Variants in GRIK5 observed in about 807,000 individuals in gnomAD.
GRIK5 encodes glutamate ionotropic receptor kainate type subunit 5, also known as glutamate receptor ionotropic, kainate 5.
In GRIK5, 43 loss-of-function variants were observed where a neutral mutation model predicts 97.4. The observed-to-expected ratio is 0.44, with a 90% CI of 0.35 to 0.57. The LOEUF (loss-of-function observed/expected upper bound fraction) is 0.57, where lower values mean the gene tolerates loss of function less well. GRIK5 is among the 20% of genes least tolerant of loss of function. The pLI, the probability that GRIK5 is intolerant of heterozygous loss-of-function variation, is 0.01. For missense variants in GRIK5, 1,015 were observed against 1,382.0 expected (o/e 0.73, Z 4.21); for synonymous variants, 580 against 583.5 (o/e 0.99, Z 0.09).
rs111252248 is a variant in GRIK5, at chr19:42,005,165, T to C, written c.2263+558A>G. ...TCCTGGAAAAACATGTCCTGGGCCA[T>C]GCGAGGTGGCTCATACCTGTAATCC... On this transcript the variant is annotated intron_variant, in intron 17 of 19. Coordinates refer to ENST00000593562, the MANE Select transcript of GRIK5 (RefSeq NM_002088.5). 2.6e-3 allele frequency among the ~76,000 whole-genome samples: 359 copies of C among 140,432 alleles called. 5 individuals are homozygous for C. Among genetic ancestry groups the C allele is most frequent in the African/African-American group, 8.9e-3 (335 of 37,580 alleles). The allele number at this position is 140,432 out of a possible 152,430, so 92.1% of individuals were successfully genotyped here.
In GRIK5 at chr19:42,003,161, G is replaced by A. The variant is rs191151336; in HGVS notation, c.2514+171C>T. Among the ~76,000 whole-genome samples, 23 of 151,714 alleles carry A rather than the reference G, an allele frequency of 1.5e-4. No individual in the cohort carries two copies. The highest frequency in any genetic ancestry group is 1.5e-5 in the Non-Finnish European group (1 of 67,970). ...CTTTCCCTCCTGTTCTTCCTCACGC[G>A]CTGATTCTCTGGCCCCATCAGCTCT... is the stretch of plus-strand genomic sequence containing the variant. On this transcript the variant is annotated intron_variant, in intron 19 of 19. Coordinates refer to ENST00000593562, the MANE Select transcript of GRIK5 (RefSeq NM_002088.5). This position sits in a 1 kb window ranked among gnomAD's most constrained non-coding sequence, Gnocchi z 4.2.
intron 12 of GRIK5, among the ~76,000 whole-genome samples, chr19:42,036,276 G>C (rs1421261266): frequency 1.3e-5 from 2 of 151,936 alleles, no homozygotes; most frequent in African/African-American, 4.8e-5. Context: ...TGGCGGGGCT[G>C]GTCTCGAACT....
Position 42,065,121 on chromosome 19 carries a change from G to T in GRIK5, c.244+102C>A. The T allele has an allele frequency of 2.0e-6, 2 of 979,378 alleles. No homozygotes were observed. The highest frequency in any genetic ancestry group is 3.2e-4 in the Middle Eastern group (1 of 3,136). The allele number at this position is 979,378 out of a possible 1,614,324, so 60.7% of individuals were successfully genotyped here. A position where few individuals can be genotyped will look rare whatever the true frequency, so the allele number is the denominator to read the frequency against. On this transcript the variant is annotated intron_variant, in intron 3 of 19. Coordinates refer to ENST00000593562, the MANE Select transcript of GRIK5 (RefSeq NM_002088.5). The surrounding 1 kb of genome is among the most constrained non-coding windows in gnomAD (Gnocchi z 5.8). ...AAACACAAAGAAGGGGGAGGATGGA[G>T]CTAGAAGAGGACAAGGCCAGGCCAG... is the stretch of plus-strand genomic sequence containing the variant.
rs145229945 is a variant in GRIK5 at position 42,053,896 on chromosome 19, A to G, written c.1090T>C (p.Phe364Leu). The G allele has an allele frequency of 1.2e-6, 2 of 1,612,104 alleles. No homozygotes were observed. The highest frequency in any genetic ancestry group is 1.7e-6 in the Non-Finnish European group (2 of 1,179,352). Residue 364 changes from phenylalanine to leucine, a missense_variant, in exon 10 of 20, where the codon TTC becomes CTC. Transcript: ENST00000593562. The stretch of plus-strand genomic sequence containing the variant: ...TTGGTTCTCTGCCCTTTGCTGTTGA[A>G]CTCGACCCGCCCGGTCAGCCCATCA... ...EYDGLTGRVE[F>L]NSKGQRTNYT...
chr19:42,035,639 G>C (rs1157576532), intron 12 of GRIK5, among the ~76,000 whole-genome samples: 2 of 152,228 alleles, frequency 1.3e-5, no homozygotes, highest in African/African-American at 4.8e-5. Flanking sequence ...GAACCTGGGA[G>C]GTGGAGGTTG....
chr19:42,038,837 C>T (rs2075941748), intron 12 of GRIK5, among the ~76,000 whole-genome samples: 1 of 152,218 alleles, frequency 6.6e-6, no homozygotes, highest in African/African-American at 2.4e-5. Context: ...GTGACTATTC[C>T]TGTGCAGCTC....
chr19:42,064,916 A>T (rs1191547507), intron 3 of GRIK5, among the ~76,000 whole-genome samples: 2 of 152,092 alleles, frequency 1.3e-5, no homozygotes, highest in Non-Finnish European at 2.9e-5. Flanking sequence ...CCTGCCCTCC[A>T]TGCCTGGGGC....
In GRIK5 at chr19:42,065,447, G is replaced by A. The variant is rs1179788791; in HGVS notation, c.80-60C>T. 1 of 1,495,912 alleles carries A rather than the reference G, an allele frequency of 6.7e-7. No homozygotes were observed. Among genetic ancestry groups the A allele is most frequent in the Non-Finnish European group, 9.0e-7 (1 of 1,109,418 alleles). 92.7% of individuals were successfully genotyped at this position (1,495,912 alleles called of 1,614,324 possible). On this transcript the variant is annotated intron_variant, in intron 2 of 19. Transcript: ENST00000593562. This position sits in a 1 kb window ranked among gnomAD's most constrained non-coding sequence, Gnocchi z 5.8. ...GAGTCCTGAGGAAGGAGGGGGCTGTGGTCTTAGACTCCAGGGCTCTAGGGT... is the reference window on the plus strand; with the variant it reads ...GAGTCCTGAGGAAGGAGGGGGCTGTAGTCTTAGACTCCAGGGCTCTAGGGT...
intron 11 of GRIK5, among the ~76,000 whole-genome samples, chr19:42,044,158 A>C (rs977899285): frequency 4.6e-5 from 7 of 152,126 alleles, no homozygotes; most frequent in Admixed American, 2.0e-4. Context: ...CTTGTGAAGA[A>C]GGTGCCTTGC....
At chr19:42,015,022 A>C (rs1025653279) in intron 15 of GRIK5, among the ~76,000 whole-genome samples, 5 of 152,260 alleles carry the variant, frequency 3.3e-5, no homozygotes, top group Non-Finnish European at 7.3e-5. Context: ...TAGTATCAAA[A>C]AATGTTAACT....
chr19:42,027,611 G>A (rs1568900178), intron 12 of GRIK5, among the ~76,000 whole-genome samples: 1 of 152,212 alleles, frequency 6.6e-6, no homozygotes, highest in Non-Finnish European at 1.5e-5. Flanking sequence ...AAGAGTGGAT[G>A]TGGGAACCAG....
At chr19:42,058,311 G>A (rs2076213569) in intron 6 of GRIK5, among the ~76,000 whole-genome samples, 1 of 151,772 alleles carries the variant, frequency 6.6e-6, no homozygotes, top group Non-Finnish European at 1.5e-5. Flanking sequence ...CTCCCGAGTA[G>A]CTGGGACTAC....
rs963407678 is a variant in GRIK5, at chr19:42,063,688, A to G, written c.245-833T>C. ...GAGAGCATTTCTGAAAATGAAGCCA[A>G]CTCAGAGGAAAGCAGGCCTCAGAGG... On this transcript the variant is annotated intron_variant, in intron 3 of 19. Coordinates refer to ENST00000593562, the MANE Select transcript of GRIK5 (RefSeq NM_002088.5). Among the ~76,000 whole-genome samples the G allele has an allele frequency of 2.0e-5, 3 of 152,124 alleles. No homozygotes were observed. The East Asian group carries it at 5.8e-4, about 29-fold the overall frequency.
intron 11 of GRIK5, among the ~76,000 whole-genome samples, chr19:42,053,272 G>T (rs1262978529): frequency 6.6e-6 from 1 of 152,186 alleles, no homozygotes; most frequent in Admixed American, 6.5e-5. Flanking sequence ...CTTCAAGATG[G>T]ACACTGAGTT....
chr19:42,065,354 C>G lies in GRIK5; in HGVS notation c.113G>C (p.Arg38Pro). The G allele has an allele frequency of 6.2e-7, 1 of 1,602,638 alleles. No homozygotes were observed. The highest frequency in any genetic ancestry group is 1.1e-5 in the South Asian group (1 of 90,536). Residue 38 changes from arginine (R) to proline (P), a missense_variant, in exon 3 of 20, where the codon CGC becomes CCC. By Grantham distance (103) the Arg-to-Pro change is moderately radical. This residue lies in a region of GRIK5 where 198 missense variants were observed against 218.2 expected (regional missense o/e 0.91). Coordinates refer to ENST00000593562, the MANE Select transcript of GRIK5 (RefSeq NM_002088.5). This position sits in a 1 kb window ranked among gnomAD's most constrained non-coding sequence, Gnocchi z 5.8. The stretch of plus-strand genomic sequence containing the variant: ...CAAGGCCAAGGCCAGACGCTCACCG[C>G]GGCCACACACTGTCTGATCATCCAG... The part of the protein sequence containing the change: ...AILDDQTVCG[R>P]GERLALALAR...
rs369605813 is a variant in GRIK5, at chr19:42,065,795, C to T, written c.-25G>A. 209 of 1,540,910 alleles carry T rather than the reference C, an allele frequency of 1.4e-4. No homozygotes were observed. The highest frequency in any genetic ancestry group is 1.6e-4 in the Non-Finnish European group (182 of 1,141,184). Reference sequence around the variant, plus strand: ...TCTTCCTCCCCTCCTCATGGGGACGCAGCTGCCGCGGCCCCCACTCGCCAC... The same window carrying T: ...TCTTCCTCCCCTCCTCATGGGGACGTAGCTGCCGCGGCCCCCACTCGCCAC... On this transcript the variant is annotated 5_prime_UTR_variant, in exon 2 of 20. Coordinates refer to ENST00000593562, the MANE Select transcript of GRIK5 (RefSeq NM_002088.5). The surrounding 1 kb of genome is among the most constrained non-coding windows in gnomAD (Gnocchi z 5.8).
chr19:42,043,402 T>TC (rs1383833438), intron 11 of GRIK5, among the ~76,000 whole-genome samples: 1 of 139,252 alleles, frequency 7.2e-6, no homozygotes, highest in Non-Finnish European at 1.5e-5. Context: ...TGGTGCAATT[T>TC]TTTTTTTTTT....
chr19:42,001,620 C>T (rs1184413925), intron 19 of GRIK5, among the ~76,000 whole-genome samples: 1 of 152,200 alleles, frequency 6.6e-6, no homozygotes, highest in African/African-American at 2.4e-5. Context: ...GACAGTGAGC[C>T]ATCTTAGAAC....
At position 42,042,599 on chromosome 19, in the gene GRIK5, C is replaced by T; in HGVS notation, c.1426G>A (p.Glu476Lys). ...LVEDGLYGAP[E>K]PNGSWTGMVG... ...ATGCCCGTCCAGGAGCCGTTGGGCT[C>T]GGGCGCCCCGTACAGCCCATCCTCC... The change falls in exon 12 of 20, where the codon GAG (glutamate) becomes AAG (lysine). Residue 476 changes from glutamate (E) to lysine (K), a missense_variant. By Grantham distance (56) the Glu-to-Lys change is moderately conservative (BLOSUM62 1). Transcript: ENST00000593562. The surrounding 1 kb of genome is among the most constrained non-coding windows in gnomAD (Gnocchi z 6.9). 2.5e-6 allele frequency: 4 copies of T among 1,612,404 alleles called. No individual in the cohort carries two copies. Among genetic ancestry groups the T allele is most frequent in the Non-Finnish European group, 2.5e-6 (3 of 1,179,906 alleles).
Sources: gnomAD v4.1 joint callset for allele counts (sites outside exome capture counted in the v4.1 genomes callset) on GRCh38, gnomAD v4.1.1 for gene constraint, gnomAD v4.1.1 regional missense constraint, Gnocchi (gnomAD v3.1) non-coding constraint, MANE v1.5 for transcripts, NCBI Gene and HGNC (gene_info 2026-07-23, HGNC 2026-07-21) for gene names.